GAP43: variants seen among roughly 807,000 people sequenced by gnomAD.
GAP43 encodes the protein growth associated protein 43, also known as neuromodulin.
Under a neutral mutation model 18.6 loss-of-function variants are expected in GAP43, and 6 were observed. The ratio of observed to expected loss-of-function variants is 0.32; its 90% CI spans 0.18 to 0.64. The LOEUF (loss-of-function observed/expected upper bound fraction) is 0.64. GAP43 is among the 30% of genes least tolerant of loss of function. The pLI is 0.78. For synonymous variants in GAP43, 115 were observed against 111.4 expected, an observed-to-expected ratio of 1.03 and a Z score of -0.20; for missense variants, 292 against 295.5, an observed-to-expected ratio of 0.99 and a Z score of 0.09.
In GAP43 at chr3:115,721,455, G is replaced by C. The variant is rs963791658; in HGVS notation, c.*573G>C. 6.6e-6 allele frequency: 1 copy of C among 152,128 alleles called. No individual in the cohort carries two copies. The allele number at this position is 152,128 out of a possible 1,614,324, so 9.4% of individuals were successfully genotyped here. A position where few individuals can be genotyped will look rare whatever the true frequency, so the allele number is the denominator to read the frequency against. Reference sequence around the variant, plus strand: ...GGCTCTAAGGCTCCTTTTTCAACCCGAATATTAATAAATCATGAGAGTAAT... The same window carrying C: ...GGCTCTAAGGCTCCTTTTTCAACCCCAATATTAATAAATCATGAGAGTAAT... On this transcript the variant is annotated 3_prime_UTR_variant, in exon 3 of 3. Transcript: ENST00000305124.
intron 2 of GAP43, among the ~76,000 whole-genome samples, chr3:115,693,389 G>A (rs1297172989): frequency 6.6e-6 from 1 of 152,108 alleles, no homozygotes; most frequent in Non-Finnish European, 1.5e-5. Flanking sequence ...AACACACAGG[G>A]CTAGTCATCT....
chr3:115,671,219 A>T (rs957934532), intron 1 of GAP43, among the ~76,000 whole-genome samples: 10 of 152,210 alleles, frequency 6.6e-5, no homozygotes, highest in African/African-American at 2.4e-4. Flanking sequence ...TTTTAGAATA[A>T]ATCTTAAGTT....
chr3:115,673,725 A>G (rs1708841945), intron 1 of GAP43, among the ~76,000 whole-genome samples: 2 of 152,206 alleles, frequency 1.3e-5, no homozygotes, highest in African/African-American at 4.8e-5. Flanking sequence ...TCATCCCAGT[A>G]GGAGTCATCA....
chr3:115,669,577 T>G (rs1708784480), intron 1 of GAP43, among the ~76,000 whole-genome samples: 1 of 152,330 alleles, frequency 6.6e-6, no homozygotes, highest in Non-Finnish European at 1.5e-5. Flanking sequence ...ACCTCTTCTA[T>G]GTCTTTGTGG....
At chr3:115,702,598 G>T (rs1449804874) in intron 2 of GAP43, among the ~76,000 whole-genome samples, 3 of 152,126 alleles carry the variant, frequency 2.0e-5, no homozygotes, top group African/African-American at 7.2e-5. Context: ...CAGATCTCAA[G>T]ATCATGTCTT....
intron 1 of GAP43, among the ~76,000 whole-genome samples, chr3:115,668,655 C>T (rs1214119858): frequency 6.6e-6 from 1 of 152,084 alleles, no homozygotes; most frequent in Admixed American, 6.5e-5. Context: ...AACTCCTGAC[C>T]TCAGGTGATC....
At chr3:115,675,323 A>G (rs943128810) in intron 1 of GAP43, among the ~76,000 whole-genome samples, 1 of 152,064 alleles carries the variant, frequency 6.6e-6, no homozygotes, top group Non-Finnish European at 1.5e-5. Context: ...TCCTGCCTTC[A>G]CTTCTCAAGG....
At chr3:115,675,988 C>A in intron 1 of GAP43, 25 bp from the exon 2 acceptor site, 2 of 1,574,052 alleles carry the variant, frequency 1.3e-6, no homozygotes, top group Non-Finnish European at 8.6e-7. Flanking sequence ...GAAGCCCTCT[C>A]TTTTCCCTTC....
intron 1 of GAP43, among the ~76,000 whole-genome samples, chr3:115,672,670 C>G (rs1708825576): frequency 6.6e-6 from 1 of 151,684 alleles, no homozygotes; most frequent in South Asian, 2.1e-4. Context: ...TCTTCTTAGC[C>G]TGGTTTATTT....
At chr3:115,631,400 T>G (rs55838665) in intron 1 of GAP43, among the ~76,000 whole-genome samples, 7,240 of 152,238 alleles carry the variant, frequency 0.048, 308 homozygotes, top group East Asian at 0.15. Flanking sequence ...TTACCTTTTC[T>G]TCTTAAAATT....
At chr3:115,717,208 G>C (rs778559722) in intron 2 of GAP43, among the ~76,000 whole-genome samples, 12 of 152,078 alleles carry the variant, frequency 7.9e-5, no homozygotes, top group Non-Finnish European at 1.8e-4. Context: ...TCAAGGTTGA[G>C]CTGAAGTAGG....
chr3:115,699,530 C>T (rs566694545), intron 2 of GAP43, among the ~76,000 whole-genome samples: 4 of 152,286 alleles, frequency 2.6e-5, no homozygotes, highest in Admixed American at 2.6e-4. Context: ...CTATCAAACA[C>T]CCCCTCTCTT....
intron 2 of GAP43, among the ~76,000 whole-genome samples, chr3:115,717,963 A>G (rs1709532562): frequency 6.6e-6 from 1 of 152,172 alleles, no homozygotes; most frequent in Non-Finnish European, 1.5e-5. Flanking sequence ...GGGAACAGAA[A>G]GTGTAGCTGC....
chr3:115,705,005 A>C (rs1293584735), intron 2 of GAP43, among the ~76,000 whole-genome samples: 2 of 152,178 alleles, frequency 1.3e-5, no homozygotes, highest in Non-Finnish European at 2.9e-5. Flanking sequence ...TGATAAAATT[A>C]ACAAGACAAC....
At chr3:115,630,937 T>G (rs1708253216) in intron 1 of GAP43, among the ~76,000 whole-genome samples, 1 of 152,172 alleles carries the variant, frequency 6.6e-6, no homozygotes, top group Admixed American at 6.5e-5. Flanking sequence ...AAGTAATAAA[T>G]GTAGGAAGGG....
chr3:115,628,972 G>A (rs534332688), intron 1 of GAP43, among the ~76,000 whole-genome samples: 287 of 152,292 alleles, frequency 1.9e-3, no homozygotes, highest in African/African-American at 6.6e-3. Context: ...AGTGTCTTCT[G>A]TTGTGTATCA....
chr3:115,717,427 A>T (rs1229278498), intron 2 of GAP43, among the ~76,000 whole-genome samples: 1 of 150,836 alleles, frequency 6.6e-6, no homozygotes, highest in African/African-American at 2.4e-5. Flanking sequence ...TTCCTGCTTC[A>T]GCCTCCCTAG....
chr3:115,645,911 A>G (rs1171188582), intron 1 of GAP43, among the ~76,000 whole-genome samples: 1 of 151,966 alleles, frequency 6.6e-6, no homozygotes, highest in Non-Finnish European at 1.5e-5. Flanking sequence ...AAAACTCTTA[A>G]CTCCGGAATT....
At position 115,721,145 on chromosome 3, in the gene GAP43, A is replaced by T. The variant is rs1709573461; in HGVS notation, c.*263A>T. 2 of 237,958 alleles carry T rather than the reference A, an allele frequency of 8.4e-6. No homozygotes were observed. The highest frequency in any genetic ancestry group is 8.3e-6 in the Non-Finnish European group (1 of 120,732). 14.7% of individuals were successfully genotyped at this position (237,958 alleles called of 1,614,324 possible). A position where few individuals can be genotyped will look rare whatever the true frequency, so the allele number is the denominator to read the frequency against. On this transcript the variant is annotated 3_prime_UTR_variant, in exon 3 of 3. Coordinates refer to ENST00000305124, the MANE Select transcript of GAP43 (RefSeq NM_002045.4). ...TTGTTATGGCAAGTTTTTGGTAATGATGATTCAATCATTTTGGGAAATTCT... is the reference window on the plus strand; with the variant it reads ...TTGTTATGGCAAGTTTTTGGTAATGTTGATTCAATCATTTTGGGAAATTCT...
Sources: gnomAD v4.1 joint callset for allele counts (sites outside exome capture counted in the v4.1 genomes callset) on GRCh38, gnomAD v4.1.1 for gene constraint, MANE v1.5 for transcripts, NCBI Gene and HGNC (gene_info 2026-07-23, HGNC 2026-07-21) for gene names.